HDAC9: variants seen among roughly 807,000 people sequenced by gnomAD.
HDAC9 encodes the protein MEF-2 interacting transcription repressor (MITR) protein.
Under a neutral mutation model 139.4 loss-of-function variants are expected in HDAC9, and 41 were observed. That is an observed-to-expected ratio of 0.29 (90% CI 0.23 to 0.38). The LOEUF is 0.38. Among genes scored for constraint, HDAC9 ranks in the 10% least tolerant of loss-of-function variants. The probability of loss-of-function intolerance (pLI) is 1.00; values close to 1 mark genes in which losing one functional copy is unlikely to be tolerated. For missense variants in HDAC9, 1,147 were observed against 1,297.0 expected, an observed-to-expected ratio of 0.88 and a Z score of 1.78; for synonymous variants, 517 against 476.2, an observed-to-expected ratio of 1.09 and a Z score of -1.12.
intron 2 of HDAC9, among the ~76,000 whole-genome samples, chr7:18,181,458 T>C (rs1433630013): frequency 6.6e-6 from 1 of 152,220 alleles, no homozygotes; most frequent in Non-Finnish European, 1.5e-5. Flanking sequence ...TGCACAGTTC[T>C]GGAGCACAAG....
At position 18,461,993 on chromosome 7, in the gene HDAC9, G is replaced by A. The variant is rs115804281; in HGVS notation, c.-41-34269G>A. ...CCTGGAGAAACTGAGCAGTGTGGTC[G>A]TGATCACTAAATTAGTAAATGGTTA... On this transcript the variant is annotated intron_variant, in intron 1 of 3. Transcript: ENST00000413509. Among the ~76,000 whole-genome samples, 375 of 152,054 alleles carry A rather than the reference G, an allele frequency of 2.5e-3. 4 individuals are homozygous for A. Among genetic ancestry groups the A allele is most frequent in the African/African-American group, 8.4e-3 (348 of 41,498 alleles).
intron 23 of HDAC9, among the ~76,000 whole-genome samples, chr7:18,943,868 T>C (rs1274225286): frequency 6.6e-6 from 1 of 152,092 alleles, no homozygotes. Flanking sequence ...GTCATCCACA[T>C]GTAGGTAGGA....
upstream of HDAC9, among the ~76,000 whole-genome samples, chr7:18,289,466 C>G (rs1797668665): frequency 6.6e-6 from 1 of 152,158 alleles, no homozygotes; most frequent in East Asian, 1.9e-4. Context: ...TTTTGTGAAA[C>G]TATTACCACA....
intron 6 of HDAC9, among the ~76,000 whole-genome samples, chr7:18,613,018 G>A (rs1472784363): frequency 6.7e-6 from 1 of 149,588 alleles, no homozygotes; most frequent in Non-Finnish European, 1.5e-5. Flanking sequence ...AGTTGTACAT[G>A]TTTATAATTA....
chr7:18,700,816 G>C (rs1210970256), intron 12 of HDAC9, among the ~76,000 whole-genome samples: 2 of 152,176 alleles, frequency 1.3e-5, no homozygotes, highest in Non-Finnish European at 2.9e-5. Flanking sequence ...AGTGCTCCCA[G>C]TAGCCAGAAG....
intron 22 of HDAC9, among the ~76,000 whole-genome samples, chr7:18,880,948 C>T (rs1473988929): frequency 6.6e-6 from 1 of 151,630 alleles, no homozygotes; most frequent in Non-Finnish European, 1.5e-5. Flanking sequence ...CTCTTTCCCC[C>T]ACCGAGTGCC....
At chr7:18,547,181 G>A (rs1815156965) in intron 2 of HDAC9, among the ~76,000 whole-genome samples, 1 of 152,174 alleles carries the variant, frequency 6.6e-6, no homozygotes, top group Non-Finnish European at 1.5e-5. Context: ...CCTCAATGTC[G>A]ATGGCTGCTG....
chr7:18,281,516 A>T (rs1797105108), intron 2 of HDAC9, among the ~76,000 whole-genome samples: 1 of 152,214 alleles, frequency 6.6e-6, no homozygotes, highest in Admixed American at 6.5e-5. Context: ...TCCATGTAAA[A>T]TGTATTTCAA....
chr7:18,479,892 C>T (rs1228169734), intron 1 of HDAC9, among the ~76,000 whole-genome samples: 4 of 151,394 alleles, frequency 2.6e-5, no homozygotes, highest in Admixed American at 6.6e-5. Flanking sequence ...TGCCAACACT[C>T]AGTTATCCTA....
chr7:18,941,844 A>G (rs1229938003), intron 23 of HDAC9, among the ~76,000 whole-genome samples: 1 of 152,128 alleles, frequency 6.6e-6, no homozygotes, highest in Non-Finnish European at 1.5e-5. Context: ...CTTATATTCA[A>G]CAAGGCAGAG....
At chr7:18,616,622 A>G (rs1258717720) in intron 6 of HDAC9, among the ~76,000 whole-genome samples, 6 of 152,230 alleles carry the variant, frequency 3.9e-5, no homozygotes, top group Non-Finnish European at 7.3e-5. Flanking sequence ...ATTACCAATA[A>G]CGTTCCAAAA....
Position 19,000,584 on chromosome 7 carries a change from C to G in HDAC9, c.*4522C>G, listed in dbSNP as rs1241630888. On this transcript the variant is annotated 3_prime_UTR_variant, in exon 26 of 26. Transcript: ENST00000686413. ...TAAAATACATTAAATACAATTAAGTCCGTTATTACTATGCTGGAAATAACT... is the reference window on the plus strand; with the variant it reads ...TAAAATACATTAAATACAATTAAGTGCGTTATTACTATGCTGGAAATAACT... 6.6e-6 allele frequency: 1 copy of G among 152,184 alleles called. No individual in the cohort carries two copies. Among genetic ancestry groups the G allele is most frequent in the Non-Finnish European group, 1.5e-5 (1 of 68,032 alleles). The allele number at this position is 152,184 out of a possible 1,614,324, so 9.4% of individuals were successfully genotyped here.
intron 1 of HDAC9, among the ~76,000 whole-genome samples, chr7:18,143,942 A>G (rs1162039020): frequency 3.9e-5 from 6 of 152,084 alleles, no homozygotes; most frequent in Non-Finnish European, 7.4e-5. Flanking sequence ...AAAAGCCTAA[A>G]TCGACATGGA....
upstream of HDAC9, among the ~76,000 whole-genome samples, chr7:18,285,431 C>A (rs1235038624): frequency 6.6e-6 from 1 of 152,038 alleles, no homozygotes; most frequent in Non-Finnish European, 1.5e-5. Context: ...GATGGACATT[C>A]ATTTACATAA....
chr7:18,619,055 A>T (rs1048063302), intron 6 of HDAC9, among the ~76,000 whole-genome samples: 9 of 152,236 alleles, frequency 5.9e-5, no homozygotes, highest in African/African-American at 1.9e-4. Context: ...ATAGATTTTT[A>T]AATTTGTCTT....
intron 22 of HDAC9, among the ~76,000 whole-genome samples, chr7:18,918,322 G>A (rs1803391846): frequency 6.6e-6 from 1 of 151,484 alleles, no homozygotes; most frequent in Admixed American, 6.6e-5. Flanking sequence ...AGAGGAGCTG[G>A]CAGCTTGACA....
chr7:18,342,091 G>C (rs1782058354), intron 1 of HDAC9, among the ~76,000 whole-genome samples: 1 of 151,612 alleles, frequency 6.6e-6, no homozygotes, highest in Non-Finnish European at 1.5e-5. Flanking sequence ...TCTTTCCCTA[G>C]CCTCATTTAA....
At chr7:18,993,180 C>T (rs145574022) in intron 25 of HDAC9, among the ~76,000 whole-genome samples, 1 of 94,234 alleles carries the variant, frequency 1.1e-5, no homozygotes, top group East Asian at 2.5e-4. Context: ...CTACTGAGAG[C>T]TAGGGCTATG....
intron 2 of HDAC9, among the ~76,000 whole-genome samples, chr7:18,175,028 A>C (rs973456809): frequency 6.6e-6 from 1 of 152,116 alleles, no homozygotes; most frequent in Admixed American, 6.6e-5. Flanking sequence ...AGAAGTTTCT[A>C]TTGCTTTTTG....
Sources: gnomAD v4.1 joint callset for allele counts (sites outside exome capture counted in the v4.1 genomes callset) on GRCh38, gnomAD v4.1.1 for gene constraint, MANE v1.5 for transcripts, NCBI Gene and HGNC (gene_info 2026-07-23, HGNC 2026-07-21) for gene names.